THEMIS: variants seen among roughly 807,000 people sequenced by gnomAD.
THEMIS encodes protein THEMIS.
A neutral mutation model predicts 52.6 loss-of-function variants in THEMIS; 37 were observed. The ratio of observed to expected loss-of-function variants is 0.70; its 90% CI spans 0.54 to 0.93. THEMIS has a LOEUF of 0.93. Ranked by LOEUF, THEMIS falls within the 40% of genes least tolerant of loss-of-function variation. The pLI, the probability that THEMIS is intolerant of heterozygous loss-of-function variation, is 0.00. For missense variants in THEMIS, 808 were observed against 763.1 expected (o/e 1.06, Z -0.69); for synonymous variants, 292 against 272.7 (o/e 1.07, Z -0.70).
chr6:127,730,239 G>A (rs1235926179), intron 4 of THEMIS, among the ~76,000 whole-genome samples: 1 of 144,324 alleles, frequency 6.9e-6, no homozygotes, highest in Non-Finnish European at 1.5e-5. Flanking sequence ...TGCAGTCCAG[G>A]CCTGGGCAAC....
chr6:127,832,140 G>A lies in THEMIS; in HGVS notation c.251-2206C>T, dbSNP rs560026579. ...TAAGTCACAGAAGAATTAATTTGGT[G>A]TCATCTTTCTTGGGGAATAGAGCTC... On this transcript the variant is annotated intron_variant, in intron 2 of 5. Transcript: ENST00000368248. 4.7e-4 allele frequency among the ~76,000 whole-genome samples: 71 copies of A among 152,190 alleles called. 1 individual carries two copies. In the South Asian group the frequency reaches 6.8e-3, roughly 15 times the overall value.
rs192624504 is a variant in THEMIS at position 127,805,721 on chromosome 6, A to G, written c.1758+7162T>C. The stretch of plus-strand genomic sequence containing the variant: ...ATTTATTGATGTAGGTCTGATATCA[A>G]TGAAAACATCACCGAAGATTAAAAG... On this transcript the variant is annotated intron_variant, in intron 4 of 5. Transcript: ENST00000368248. 9.9e-5 allele frequency among the ~76,000 whole-genome samples: 15 copies of G among 152,280 alleles called. No homozygotes were observed. The East Asian group carries it at 2.9e-3, about 29-fold the overall frequency.
chr6:127,815,181 G>A (rs558360103), intron 3 of THEMIS, among the ~76,000 whole-genome samples: 1 of 151,856 alleles, frequency 6.6e-6, no homozygotes, highest in African/African-American at 2.4e-5. Flanking sequence ...AAATAATAAA[G>A]TTATGTGTTA....
At chr6:127,868,105 T>C (rs1175384400) in intron 1 of THEMIS, among the ~76,000 whole-genome samples, 10 of 152,188 alleles carry the variant, frequency 6.6e-5, no homozygotes, top group Admixed American at 6.6e-4. Flanking sequence ...CTCAACTTCG[T>C]TATCTTTAAC....
At chr6:127,713,063 A>G (rs1376295103) in intron 5 of THEMIS, among the ~76,000 whole-genome samples, 1 of 151,860 alleles carries the variant, frequency 6.6e-6, no homozygotes, top group Non-Finnish European at 1.5e-5. Context: ...GCCATGAACC[A>G]TCTACCTCTT....
intron 1 of THEMIS, among the ~76,000 whole-genome samples, chr6:127,856,999 A>C (rs1779639914): frequency 6.6e-6 from 1 of 151,962 alleles, no homozygotes; most frequent in African/African-American, 2.4e-5. Flanking sequence ...CTTCATGAGA[A>C]GAAATATTGC....
chr6:127,802,518 C>T lies in THEMIS; in HGVS notation c.1758+10365G>A, dbSNP rs531689457. Among the ~76,000 whole-genome samples, 196 of 152,292 alleles carry T rather than the reference C, an allele frequency of 1.3e-3. 2 individuals carry two copies. The highest frequency in any genetic ancestry group is 3.4e-3 in the Middle Eastern group (1 of 294). ...TCAGAATAATCTGATGTGTGTAGAG[C>T]TCTGGCATTGGCTAATTAATCACAG... On this transcript the variant is annotated intron_variant, in intron 4 of 5. Coordinates refer to ENST00000368248, the MANE Select transcript of THEMIS (RefSeq NM_001010923.3).
At chr6:127,891,388 T>C (rs1220714830) in intron 1 of THEMIS, among the ~76,000 whole-genome samples, 2 of 151,606 alleles carry the variant, frequency 1.3e-5, no homozygotes, top group Non-Finnish European at 2.9e-5. Flanking sequence ...AAAAAATAAT[T>C]AACCAGGCCT....
intron 3 of THEMIS, among the ~76,000 whole-genome samples, chr6:127,821,054 T>G (rs1211976008): frequency 6.6e-6 from 1 of 151,978 alleles, no homozygotes; most frequent in South Asian, 2.1e-4. Flanking sequence ...TAGAAATATT[T>G]TAAAATATAA....
chr6:127,755,439 T>C (rs1341707392), intron 4 of THEMIS, among the ~76,000 whole-genome samples: 2 of 148,672 alleles, frequency 1.3e-5, no homozygotes, highest in African/African-American at 4.9e-5. Flanking sequence ...AAAATATACA[T>C]TTTTTTTTAA....
At chr6:127,790,961 C>T (rs548535696) in intron 4 of THEMIS, among the ~76,000 whole-genome samples, 12 of 152,262 alleles carry the variant, frequency 7.9e-5, no homozygotes, top group Admixed American at 4.6e-4. Context: ...ACCACAGAAC[C>T]CCAAAAAGGG....
intron 1 of THEMIS, among the ~76,000 whole-genome samples, chr6:127,872,899 T>TA (rs1356428786): frequency 2.0e-5 from 3 of 152,050 alleles, no homozygotes; most frequent in African/African-American, 7.2e-5. Context: ...CAAAGGAATC[T>TA]AAAAAAACAA....
intron 3 of THEMIS, among the ~76,000 whole-genome samples, chr6:127,827,154 G>A (rs138816115): frequency 4.6e-5 from 7 of 151,982 alleles, no homozygotes; most frequent in Non-Finnish European, 5.9e-5. Context: ...TTTTCTTGAC[G>A]TCAAGGCAAT....
At chr6:127,915,993 A>C (rs1176501242) in intron 1 of THEMIS, among the ~76,000 whole-genome samples, 1 of 152,138 alleles carries the variant, frequency 6.6e-6, no homozygotes, top group Non-Finnish European at 1.5e-5. Flanking sequence ...TCTCAAAACT[A>C]ATAATAAAAG....
At chr6:127,776,807 T>C (rs1776581936) in intron 4 of THEMIS, among the ~76,000 whole-genome samples, 1 of 152,244 alleles carries the variant, frequency 6.6e-6, no homozygotes, top group Non-Finnish European at 1.5e-5. Context: ...TTTATTTGTT[T>C]ACATTAATAG....
intron 4 of THEMIS, among the ~76,000 whole-genome samples, chr6:127,763,775 ATAAT>A (rs1189390491): frequency 6.6e-6 from 1 of 151,960 alleles, no homozygotes; most frequent in Non-Finnish European, 1.5e-5. Flanking sequence ...GTTTTGTCTA[ATAAT>A]TTTACATTGA....
chr6:127,885,704 A>C (rs929513983), intron 1 of THEMIS, among the ~76,000 whole-genome samples: 2 of 152,070 alleles, frequency 1.3e-5, no homozygotes, highest in Non-Finnish European at 2.9e-5. Flanking sequence ...GTACTTAAAA[A>C]TCTTAACTCT....
intron 1 of THEMIS, among the ~76,000 whole-genome samples, chr6:127,911,056 G>GCAGCTGGTGAAAGCA (rs1562335705): frequency 7.9e-5 from 12 of 151,594 alleles, no homozygotes; most frequent in African/African-American, 2.4e-4. Flanking sequence ...TTATGGGTTT[G>GCAGCTGGTGAAAGCA]GGGAGGAAGA....
In THEMIS at chr6:127,708,246, T is replaced by TG. The variant is rs1773855958; in HGVS notation, c.*1738dup. The TG allele has an allele frequency of 6.6e-6, 1 of 152,072 alleles. No individual in the cohort carries two copies. Among genetic ancestry groups the TG allele is most frequent in the Admixed American group, 6.6e-5 (1 of 15,254 alleles). 9.4% of individuals were successfully genotyped at this position (152,072 alleles called of 1,614,324 possible). On this transcript the variant is annotated 3_prime_UTR_variant, in exon 6 of 6. Coordinates refer to ENST00000368248, the MANE Select transcript of THEMIS (RefSeq NM_001010923.3). Reference sequence around the variant, plus strand: ...TCAACCTTCCCAAATCTCCAATAGGTGAGCATGAAGTTTATTACACTTTTC... The same window carrying TG: ...TCAACCTTCCCAAATCTCCAATAGGTGGAGCATGAAGTTTATTACACTTTTC...
Sources: allele counts gnomAD v4.1 joint callset (sites outside exome capture counted in the v4.1 genomes callset), GRCh38; gene constraint gnomAD v4.1.1; transcripts MANE v1.5; gene names NCBI Gene and HGNC (gene_info 2026-07-23, HGNC 2026-07-21).